GIGYF2: variants seen among roughly 807,000 people sequenced by gnomAD.
The protein encoded by GIGYF2 is GRB10-interacting GYF protein 2.
Under a neutral mutation model 208.1 loss-of-function variants are expected in GIGYF2, and 25 were observed. The ratio of observed to expected loss-of-function variants is 0.12; its 90% CI spans 0.09 to 0.17. The LOEUF (loss-of-function observed/expected upper bound fraction) is 0.17. Among genes scored for constraint, GIGYF2 ranks in the 10% least tolerant of loss-of-function variants. The probability of loss-of-function intolerance (pLI) is 1.00; values close to 1 mark genes in which losing one functional copy is unlikely to be tolerated. For missense variants in GIGYF2, 1,302 were observed against 1,579.4 expected (o/e 0.82, Z 2.98); for synonymous variants, 534 against 543.8 (o/e 0.98, Z 0.25).
intron 8 of GIGYF2, chr2:232,768,427 G>T: frequency 6.2e-7 from 1 of 1,614,140 alleles, no homozygotes; most frequent in Non-Finnish European, 8.5e-7. Flanking sequence ...GTCCTCCTTT[G>T]GCATATTTCT....
intron 14 of GIGYF2, among the ~76,000 whole-genome samples, chr2:232,799,916 A>G (rs989955479): frequency 2.0e-5 from 3 of 149,042 alleles, no homozygotes; most frequent in Admixed American, 6.7e-5. Context: ...AGCCATTTGT[A>G]TACCTTCTTT....
At chr2:232,778,937 G>C (rs528219825) in intron 8 of GIGYF2, among the ~76,000 whole-genome samples, 2 of 152,152 alleles carry the variant, frequency 1.3e-5, no homozygotes, top group Non-Finnish European at 2.9e-5. Context: ...TGAAATTCTA[G>C]GGAGGGGACA....
chr2:232,823,881 C>A (rs549992667), intron 21 of GIGYF2, among the ~76,000 whole-genome samples: 3 of 152,310 alleles, frequency 2.0e-5, no homozygotes, highest in African/African-American at 7.2e-5. Context: ...CCTGCATCGA[C>A]CAAGTCTGTT....
intron 21 of GIGYF2, among the ~76,000 whole-genome samples, chr2:232,826,986 C>T (rs1438434021): frequency 6.6e-6 from 1 of 152,110 alleles, no homozygotes; most frequent in Admixed American, 6.6e-5. Flanking sequence ...TTTTTTTAAG[C>T]AACAGATTTT....
At chr2:232,707,998 G>A (rs1255655123) in intron 2 of GIGYF2, among the ~76,000 whole-genome samples, 1 of 151,616 alleles carries the variant, frequency 6.6e-6, no homozygotes, top group Non-Finnish European at 1.5e-5. Context: ...GTCTTGCTCT[G>A]TCCCTCAGGC....
At chr2:232,826,289 C>T (rs1190932451) in intron 21 of GIGYF2, among the ~76,000 whole-genome samples, 1 of 152,202 alleles carries the variant, frequency 6.6e-6, no homozygotes, top group East Asian at 1.9e-4. Context: ...CTGTCTTCCA[C>T]AATGGTTGAA....
At chr2:232,813,865 A>T (rs1194700831) in intron 18 of GIGYF2, among the ~76,000 whole-genome samples, 1 of 149,064 alleles carries the variant, frequency 6.7e-6, no homozygotes, top group Non-Finnish European at 1.5e-5. Flanking sequence ...GAGCATTGAC[A>T]TGATTTCACA....
At chr2:232,742,885 G>T (rs1476329913) in intron 3 of GIGYF2, among the ~76,000 whole-genome samples, 6 of 152,138 alleles carry the variant, frequency 3.9e-5, no homozygotes, top group African/African-American at 1.4e-4. Flanking sequence ...AGGGTTTTGG[G>T]CATATTGAAC....
At chr2:232,838,359 G>C (rs1209063750) in intron 22 of GIGYF2, among the ~76,000 whole-genome samples, 1 of 152,062 alleles carries the variant, frequency 6.6e-6, no homozygotes, top group African/African-American at 2.4e-5. Context: ...AGGGAGGAGA[G>C]AGAAAATAAA....
At chr2:232,846,877 T>A (rs967975308) in intron 26 of GIGYF2, among the ~76,000 whole-genome samples, 1 of 152,256 alleles carries the variant, frequency 6.6e-6, no homozygotes, top group Non-Finnish European at 1.5e-5. Flanking sequence ...TTTGTCTAAC[T>A]CTGATACTCA....
intron 8 of GIGYF2, among the ~76,000 whole-genome samples, chr2:232,763,438 A>T (rs1239738533): frequency 6.6e-6 from 1 of 152,166 alleles, no homozygotes; most frequent in African/African-American, 2.4e-5. Flanking sequence ...ATATATATCT[A>T]TGATAAAGTT....
intron 3 of GIGYF2, among the ~76,000 whole-genome samples, chr2:232,744,543 TTTC>T (rs1184383294): frequency 6.6e-6 from 1 of 151,940 alleles, no homozygotes; most frequent in Non-Finnish European, 1.5e-5. Context: ...TCTTTCTTTC[TTTC>T]TTTTTTTTTT....
chr2:232,751,129 G>T (rs1698324257), intron 5 of GIGYF2, among the ~76,000 whole-genome samples: 1 of 151,778 alleles, frequency 6.6e-6, no homozygotes, highest in African/African-American at 2.4e-5. Context: ...GCCTGGTCTG[G>T]CTCCTCATAT....
intron 8 of GIGYF2, among the ~76,000 whole-genome samples, chr2:232,780,550 G>C (rs781174436): frequency 2.0e-4 from 30 of 152,172 alleles, no homozygotes; most frequent in Admixed American, 9.2e-4. Flanking sequence ...CCTTTTCCCT[G>C]AAAGAAGAAG....
chr2:232,768,501 T>C (rs2106334943), intron 8 of GIGYF2: 2 of 1,614,194 alleles, frequency 1.2e-6, no homozygotes, highest in East Asian at 2.2e-5. Context: ...ATTTTCATGC[T>C]GGAGCAGAGT....
chr2:232,727,065 A>G (rs1402502204), intron 2 of GIGYF2, among the ~76,000 whole-genome samples: 1 of 152,142 alleles, frequency 6.6e-6, no homozygotes, highest in Non-Finnish European at 1.5e-5. Flanking sequence ...CCAGGGATCA[A>G]ATGATTCTCA....
At chr2:232,730,267 A>G in intron 2 of GIGYF2, 1 of 743,772 alleles carries the variant, frequency 1.3e-6, no homozygotes, top group South Asian at 1.7e-5. Flanking sequence ...CTGTGCTGAA[A>G]GAGGAAAAAA....
chr2:232,736,953 A>G (rs1697758716), intron 3 of GIGYF2, among the ~76,000 whole-genome samples: 1 of 152,380 alleles, frequency 6.6e-6, no homozygotes, highest in Non-Finnish European at 1.5e-5. Context: ...ATATTTTAGA[A>G]TCAATACACA....
At chr2:232,813,857 G>A (rs940220621) in intron 18 of GIGYF2, among the ~76,000 whole-genome samples, 1 of 148,988 alleles carries the variant, frequency 6.7e-6, no homozygotes, top group African/African-American at 2.5e-5. Context: ...AACTTTTTGA[G>A]CATTGACATG....
Sources: allele counts gnomAD v4.1 joint callset (sites outside exome capture counted in the v4.1 genomes callset), GRCh38; gene constraint gnomAD v4.1.1; transcripts MANE v1.5; gene names NCBI Gene and HGNC (gene_info 2026-07-23, HGNC 2026-07-21).